The following RIMKLB variants were observed in gnomAD, a reference collection of about 807,000 sequenced individuals.
RIMKLB encodes the protein ribosomal modification protein rimK like family member B.
RIMKLB carries 7 observed loss-of-function variants against 32.0 expected under a neutral mutation model. The ratio of observed to expected loss-of-function variants is 0.22; its 90% CI spans 0.12 to 0.41. The LOEUF (loss-of-function observed/expected upper bound fraction) is 0.41. Ranked by LOEUF, RIMKLB falls within the 10% of genes least tolerant of loss-of-function variation. The probability of loss-of-function intolerance (pLI) is 1.00; values close to 1 mark genes in which losing one functional copy is unlikely to be tolerated. For missense variants in RIMKLB, 289 were observed against 498.7 expected, an observed-to-expected ratio of 0.58 and a Z score of 4.00; for synonymous variants, 172 against 185.1, an observed-to-expected ratio of 0.93 and a Z score of 0.57.
chr12:8,713,145 C>T (rs1421707762), intron 1 of RIMKLB, among the ~76,000 whole-genome samples: 2 of 152,138 alleles, frequency 1.3e-5, no homozygotes, highest in Non-Finnish European at 2.9e-5. Flanking sequence ...GTGCTGTCCT[C>T]TGACTGGAAT....
At chr12:8,732,714 C>T (rs1023375471) in intron 2 of RIMKLB, among the ~76,000 whole-genome samples, 4 of 151,510 alleles carry the variant, frequency 2.6e-5, no homozygotes, top group African/African-American at 9.7e-5. Context: ...AATATTCTTC[C>T]GGGGGAAAGC....
chr12:8,699,873 A>G (rs1445261047), intron 1 of RIMKLB: 4 of 152,186 alleles, frequency 2.6e-5, no homozygotes, highest in African/African-American at 7.2e-5. Flanking sequence ...GTCACAGACA[A>G]TCCTCCACTC....
intron 2 of RIMKLB, among the ~76,000 whole-genome samples, chr12:8,737,619 A>G (rs1365105321): frequency 6.6e-6 from 1 of 152,190 alleles, no homozygotes; most frequent in Admixed American, 6.5e-5. Context: ...TCAATCAATT[A>G]TGATGTTGTT....
chr12:8,721,626 T>C (rs987474896), intron 2 of RIMKLB, among the ~76,000 whole-genome samples: 10 of 152,250 alleles, frequency 6.6e-5, no homozygotes, highest in South Asian at 2.1e-4. Context: ...TTTGCTGTTA[T>C]TTCCTTCACT....
intron 2 of RIMKLB, 70 bp from the exon 3 acceptor site, chr12:8,749,792 G>T: frequency 1.0e-6 from 1 of 957,268 alleles, no homozygotes; most frequent in Non-Finnish European, 1.6e-6. Flanking sequence ...AAACTTTGGC[G>T]TATTACTATT....
intron 2 of RIMKLB, among the ~76,000 whole-genome samples, chr12:8,717,872 A>G (rs1945019133): frequency 6.6e-6 from 1 of 152,138 alleles, no homozygotes; most frequent in Non-Finnish European, 1.5e-5. Context: ...GTTGTTGAGT[A>G]TCTTCATCGG....
chr12:8,761,389 A>G (rs947102588), intron 5 of RIMKLB, among the ~76,000 whole-genome samples: 9 of 148,892 alleles, frequency 6.0e-5, no homozygotes, highest in Admixed American at 4.7e-4. Flanking sequence ...TTTTTTTCAT[A>G]TTTTATTTAG....
At chr12:8,707,448 TC>T in intron 1 of RIMKLB, among the ~76,000 whole-genome samples, 1 of 152,350 alleles carries the variant, frequency 6.6e-6, no homozygotes, top group East Asian at 1.9e-4. Context: ...TCTTTGCCCT[TC>T]CTGGGTGCGT....
chr12:8,776,368 A>G lies in RIMKLB; in HGVS notation c.*2584A>G. The G allele has an allele frequency of 1.0e-6, 1 of 983,654 alleles. No individual in the cohort carries two copies. The highest frequency in any genetic ancestry group is 1.2e-6 in the Non-Finnish European group (1 of 828,264). The allele number at this position is 983,654 out of a possible 1,614,324, so 60.9% of individuals were successfully genotyped here. Reference sequence around the variant, plus strand: ...AAGATTGAGGTAGAGAATAAGAGCAAATCATTCTGGAAGTACCTTAAGGAA... The same window carrying G: ...AAGATTGAGGTAGAGAATAAGAGCAGATCATTCTGGAAGTACCTTAAGGAA... On this transcript the variant is annotated 3_prime_UTR_variant, in exon 6 of 6. Coordinates refer to ENST00000535829, the MANE Select transcript of RIMKLB (RefSeq NM_001297776.2).
In RIMKLB at chr12:8,761,054, A is replaced by C. The variant is rs529603361; in HGVS notation, c.697+6961A>C. On this transcript the variant is annotated intron_variant, in intron 5 of 5. Coordinates refer to ENST00000535829, the MANE Select transcript of RIMKLB (RefSeq NM_001297776.2). ...GATTATGTTGATATATTTTAGATTA[A>C]AAATAATTTTTCTGGCCGGGTGCAG... Among the ~76,000 whole-genome samples the C allele has an allele frequency of 3.5e-3, 527 of 152,196 alleles. 1 individual carries two copies. Among genetic ancestry groups the C allele is most frequent in the Non-Finnish European group, 4.7e-3 (322 of 68,014 alleles).
rs900823207 is a variant in RIMKLB at position 8,742,802 on chromosome 12, G to A, written c.176-7060G>A. ...TTTCCAGGAGCTGTGCCTTCTGATG[G>A]TTATTGATCCCAAGGCTGACCACCA... On this transcript the variant is annotated intron_variant, in intron 2 of 5. Coordinates refer to ENST00000535829, the MANE Select transcript of RIMKLB (RefSeq NM_001297776.2). 1.8e-5 allele frequency: 4 copies of A among 219,164 alleles called. No individual in the cohort carries two copies. The South Asian group carries it at 3.1e-4, about 17-fold the overall frequency. 13.6% of individuals were successfully genotyped at this position (219,164 alleles called of 1,614,324 possible). A position where few individuals can be genotyped will look rare whatever the true frequency, so the allele number is the denominator to read the frequency against.
intron 5 of RIMKLB, among the ~76,000 whole-genome samples, chr12:8,770,321 A>G (rs1215309160): frequency 1.3e-5 from 2 of 152,184 alleles, no homozygotes; most frequent in Non-Finnish European, 2.9e-5. Context: ...CCCTAGTCTC[A>G]TTGACCTTAT....
rs1950737035 is a variant in RIMKLB at position 8,776,538 on chromosome 12, G to C, written c.*2754G>C. 1 of 776,832 alleles carries C rather than the reference G, an allele frequency of 1.3e-6. No homozygotes were observed. The highest frequency in any genetic ancestry group is 1.3e-4 in the East Asian group (1 of 7,782). 48.1% of individuals were successfully genotyped at this position (776,832 alleles called of 1,614,324 possible). A position where few individuals can be genotyped will look rare whatever the true frequency, so the allele number is the denominator to read the frequency against. ...CTGAATTGTAAAATTTTTGTATATT[G>C]TTAAAATTGTAATTCTAAATTGTAT... On this transcript the variant is annotated 3_prime_UTR_variant, in exon 6 of 6. Coordinates refer to ENST00000535829, the MANE Select transcript of RIMKLB (RefSeq NM_001297776.2).
At chr12:8,722,264 C>T (rs1199403013) in intron 2 of RIMKLB, among the ~76,000 whole-genome samples, 1 of 151,468 alleles carries the variant, frequency 6.6e-6, no homozygotes, top group Non-Finnish European at 1.5e-5. Flanking sequence ...CTTGCAGAGT[C>T]CATGTTGTGT....
intron 2 of RIMKLB, among the ~76,000 whole-genome samples, chr12:8,735,563 A>G (rs1946923357): frequency 6.6e-6 from 1 of 151,732 alleles, no homozygotes; most frequent in Non-Finnish European, 1.5e-5. Context: ...ATACCAAGAG[A>G]TTAAGCTTTA....
rs1591616514 is a variant in RIMKLB, at chr12:8,698,058, T to G, written c.-296T>G. The G allele has an allele frequency of 8.5e-6, 2 of 236,446 alleles. No individual in the cohort carries two copies. The highest frequency in any genetic ancestry group is 5.0e-5 in the African/African-American group (2 of 39,896). 14.6% of individuals were successfully genotyped at this position (236,446 alleles called of 1,614,324 possible). A position where few individuals can be genotyped will look rare whatever the true frequency, so the allele number is the denominator to read the frequency against. Reference sequence around the variant, plus strand: ...GTGTGGGAGTGAGAGTGTGTGGGAGTGGGGTGAGGGAGAAGCTGACGGGAC... The same window carrying G: ...GTGTGGGAGTGAGAGTGTGTGGGAGGGGGGTGAGGGAGAAGCTGACGGGAC... On this transcript the variant is annotated 5_prime_UTR_variant, in exon 1 of 6. Coordinates refer to ENST00000535829, the MANE Select transcript of RIMKLB (RefSeq NM_001297776.2).
chr12:8,728,875 G>A lies in RIMKLB; in HGVS notation c.175+14834G>A, dbSNP rs745583319. On this transcript the variant is annotated intron_variant, in intron 2 of 5. Transcript: ENST00000535829. Reference sequence around the variant, plus strand: ...TGGTCTTGAACTTTTAGGCTCAAATGTTCCACCTGCCTCTGAAGCAGAGTA... The same window carrying A: ...TGGTCTTGAACTTTTAGGCTCAAATATTCCACCTGCCTCTGAAGCAGAGTA... 3.3e-5 allele frequency among the ~76,000 whole-genome samples: 5 copies of A among 152,140 alleles called. No individual in the cohort carries two copies. In the South Asian group the frequency reaches 1.0e-3, roughly 32 times the overall value.
intron 1 of RIMKLB, among the ~76,000 whole-genome samples, chr12:8,682,044 C>T (rs1468038199): frequency 6.6e-6 from 1 of 151,676 alleles, no homozygotes; most frequent in Non-Finnish European, 1.5e-5. Flanking sequence ...TGTAGGACAC[C>T]CAGCTGGTGT....
chr12:8,693,707 A>G (rs890617561), upstream of RIMKLB, among the ~76,000 whole-genome samples: 2 of 152,112 alleles, frequency 1.3e-5, no homozygotes, highest in Non-Finnish European at 2.9e-5. Flanking sequence ...CTGTACTGCA[A>G]ATTTAGTTGT....
Sources: gnomAD v4.1 joint callset for allele counts (sites outside exome capture counted in the v4.1 genomes callset) on GRCh38, gnomAD v4.1.1 for gene constraint, MANE v1.5 for transcripts, NCBI Gene and HGNC (gene_info 2026-07-23, HGNC 2026-07-21) for gene names.